WAPL: variants seen among roughly 807,000 people sequenced by gnomAD.
The protein encoded by WAPL is WAPL cohesin release factor.
A neutral mutation model predicts 121.0 loss-of-function variants in WAPL; 5 were observed. That is an observed-to-expected ratio of 0.04 (90% confidence interval 0.02 to 0.09). The LOEUF (loss-of-function observed/expected upper bound fraction) is 0.09. Among genes scored for constraint, WAPL ranks in the 10% least tolerant of loss-of-function variants. WAPL has a pLI of 1.00. For synonymous variants in WAPL, 480 were observed against 481.5 expected (o/e 1.00, Z 0.04); for missense variants, 999 against 1,410.8 (o/e 0.71, Z 4.68).
intron 7 of WAPL, among the ~76,000 whole-genome samples, chr10:86,471,525 T>C (rs1242225538): frequency 6.6e-6 from 1 of 152,238 alleles, no homozygotes; most frequent in African/African-American, 2.4e-5. Flanking sequence ...TTTTTGAGCA[T>C]TTGGGTACAA....
intron 9 of WAPL, among the ~76,000 whole-genome samples, chr10:86,463,672 G>A (rs1468134889): frequency 6.6e-6 from 1 of 152,180 alleles, no homozygotes; most frequent in East Asian, 1.9e-4. Flanking sequence ...GTAGTGTGCC[G>A]TCATGTCCTA....
chr10:86,480,783 A>C (rs556608517), intron 4 of WAPL, among the ~76,000 whole-genome samples: 1 of 152,348 alleles, frequency 6.6e-6, no homozygotes, highest in African/African-American at 2.4e-5. Flanking sequence ...TGAAGTGTGA[A>C]GAGAAGTGAG....
chr10:86,474,084 G>GAT (rs1564573306), intron 4 of WAPL, 111 bp from the exon 5 acceptor site: 2 of 815,974 alleles, frequency 2.5e-6, no homozygotes. Flanking sequence ...CAGCAGGATG[G>GAT]ATACTATCTG....
intron 4 of WAPL, among the ~76,000 whole-genome samples, chr10:86,494,661 T>A (rs1842117330): frequency 6.6e-6 from 1 of 152,224 alleles, no homozygotes; most frequent in African/African-American, 2.4e-5. Flanking sequence ...TTTGCATAAT[T>A]CATCGTAACC....
chr10:86,515,601 G>A (rs921446357), intron 2 of WAPL, among the ~76,000 whole-genome samples: 2 of 151,870 alleles, frequency 1.3e-5, no homozygotes, highest in African/African-American at 2.4e-5. Flanking sequence ...TGGCCAACAC[G>A]GTGAAAACCT....
At chr10:86,456,147 T>A (rs1050610553) in intron 12 of WAPL, among the ~76,000 whole-genome samples, 39 of 152,310 alleles carry the variant, frequency 2.6e-4, no homozygotes, top group African/African-American at 8.7e-4. Context: ...TCTTGCAAGC[T>A]GTCACAGGGG....
chr10:86,451,392 C>CTT (rs397737578), intron 15 of WAPL, among the ~76,000 whole-genome samples: 90 of 145,584 alleles, frequency 6.2e-4, no homozygotes, highest in African/African-American at 1.6e-3. Flanking sequence ...ATTATACCAC[C>CTT]TTTTTTTTTT....
At chr10:86,503,862 A>G (rs544027709) in intron 2 of WAPL, among the ~76,000 whole-genome samples, 6 of 152,322 alleles carry the variant, frequency 3.9e-5, no homozygotes, top group Admixed American at 1.3e-4. Context: ...AGTAAGTCCA[A>G]TGTCCCAGTA....
chr10:86,478,964 G>A (rs1238235185), intron 4 of WAPL, among the ~76,000 whole-genome samples: 2 of 152,026 alleles, frequency 1.3e-5, no homozygotes, highest in African/African-American at 2.4e-5. Flanking sequence ...GGGTGTGGTG[G>A]CACACATCTG....
At chr10:86,516,556 A>T (rs1280876834) in intron 2 of WAPL, among the ~76,000 whole-genome samples, 2 of 152,054 alleles carry the variant, frequency 1.3e-5, no homozygotes, top group Admixed American at 6.6e-5. Flanking sequence ...CAATTACAGT[A>T]TACTGCCACC....
intron 4 of WAPL, among the ~76,000 whole-genome samples, chr10:86,483,352 G>A (rs1182864435): frequency 1.3e-5 from 2 of 151,774 alleles, no homozygotes; most frequent in Non-Finnish European, 2.9e-5. Flanking sequence ...CCTGCGAGGC[G>A]GAGGTTGCGG....
chr10:86,513,987 AG>A (rs1372815032), intron 2 of WAPL, among the ~76,000 whole-genome samples: 1 of 152,226 alleles, frequency 6.6e-6, no homozygotes, highest in African/African-American at 2.4e-5. Flanking sequence ...TTGCATCTGG[AG>A]AAAAGAGTTC....
At chr10:86,455,716 A>AAAAAAAAAAAAAG (rs1841129855) in intron 12 of WAPL, among the ~76,000 whole-genome samples, 3 of 66,224 alleles carry the variant, frequency 4.5e-5, no homozygotes, top group Non-Finnish European at 1.3e-4. Flanking sequence ...AAAAAAAAAG[A>AAAAAAAAAAAAAG]AAAAAAGAAA....
Position 86,517,553 on chromosome 10 carries a change from A to C in WAPL, c.499+18T>G, listed in dbSNP as rs943137177. On this transcript the variant is annotated intron_variant, in intron 2 of 18. Coordinates refer to ENST00000298767, the MANE Select transcript of WAPL (RefSeq NM_015045.5). ...CACAAAGCTCTCTTGGCGGAGAATA[A>C]AGAAAATCAAAACTTACCTGAAGTT... 3 of 1,583,160 alleles carry C rather than the reference A, an allele frequency of 1.9e-6. No individual in the cohort carries two copies. The highest frequency in any genetic ancestry group is 1.7e-6 in the Non-Finnish European group (2 of 1,166,118).
intron 15 of WAPL, among the ~76,000 whole-genome samples, chr10:86,448,135 TAAAAA>T (rs1167285827): frequency 6.6e-6 from 1 of 152,012 alleles, no homozygotes; most frequent in Admixed American, 6.6e-5. Context: ...AAATAAAACT[TAAAAA>T]AACAGAAAAC....
chr10:86,501,861 C>A (rs914981579), intron 2 of WAPL, among the ~76,000 whole-genome samples: 12 of 152,118 alleles, frequency 7.9e-5, no homozygotes, highest in Admixed American at 7.9e-4. Flanking sequence ...CTGCCTAACT[C>A]CCCTTTTTAT....
At position 86,453,652 on chromosome 10, in the gene WAPL, T is replaced by G; in HGVS notation, c.2833+4A>C. 1 of 1,592,504 alleles carries G rather than the reference T, an allele frequency of 6.3e-7. No individual in the cohort carries two copies. ...AATGAGAAAAAAATGGAAAAAAATC[T>G]TACCATTATCATTAGTTAAATTAAG... On this transcript the variant is annotated splice_donor_region_variant and intron_variant, in intron 13 of 18. Transcript: ENST00000298767.
chr10:86,502,027 T>C (rs952878057), intron 2 of WAPL, among the ~76,000 whole-genome samples: 26 of 152,326 alleles, frequency 1.7e-4, no homozygotes, highest in Admixed American at 1.3e-3. Flanking sequence ...CAGGTTAAGA[T>C]TTGGTAATAT....
intron 1 of WAPL, 53 bp from the exon 2 acceptor site, chr10:86,518,144 A>G: frequency 6.7e-7 from 1 of 1,493,612 alleles, no homozygotes; most frequent in East Asian, 2.3e-5. Flanking sequence ...AGTGTTAAAC[A>G]GTGCATATAA....
Sources: gnomAD v4.1 joint callset for allele counts (sites outside exome capture counted in the v4.1 genomes callset) on GRCh38, gnomAD v4.1.1 for gene constraint, MANE v1.5 for transcripts, NCBI Gene and HGNC (gene_info 2026-07-23, HGNC 2026-07-21) for gene names.